DOK5: variants seen among roughly 807,000 people sequenced by gnomAD.
DOK5 encodes the protein downstream of tyrosine kinase 5.
Under a neutral mutation model 43.3 loss-of-function variants are expected in DOK5, and 27 were observed. The observed-to-expected ratio is 0.62, with a 90% confidence interval of 0.46 to 0.86. The LOEUF is 0.86. Ranked by LOEUF, DOK5 falls within the 40% of genes least tolerant of loss-of-function variation. The pLI, the probability that DOK5 is intolerant of heterozygous loss-of-function variation, is 0.00. For missense variants in DOK5, 373 were observed against 392.9 expected, an observed-to-expected ratio of 0.95 and a Z score of 0.43; for synonymous variants, 146 against 140.1, an observed-to-expected ratio of 1.04 and a Z score of -0.30.
At chr20:54,636,732 A>C (rs1348663938) in intron 6 of DOK5, among the ~76,000 whole-genome samples, 1 of 152,236 alleles carries the variant, frequency 6.6e-6, no homozygotes, top group African/African-American at 2.4e-5. Context: ...ACCTCACATC[A>C]ATTAAGCTCT....
intron 1 of DOK5, among the ~76,000 whole-genome samples, chr20:54,494,583 C>G (rs1296791027): frequency 6.6e-6 from 1 of 152,082 alleles, no homozygotes; most frequent in African/African-American, 2.4e-5. Context: ...GTAGCTTGGC[C>G]CATGGTTCTC....
chr20:54,543,541 CTGTG>C (rs74179284), intron 1 of DOK5, among the ~76,000 whole-genome samples: 1,672 of 143,530 alleles, frequency 0.012, 13 homozygotes, highest in Admixed American at 0.029. Context: ...CCTAGAATTG[CTGTG>C]TGTGTGTGTG....
In DOK5 at chr20:54,485,119, C is replaced by T. The variant is rs529038682; in HGVS notation, c.66+9107C>T. The stretch of plus-strand genomic sequence containing the variant: ...GGCCGAGGCGGGCAGATCACAAGGT[C>T]GGGAGTTGGTGACCAGCCTGATCAA... On this transcript the variant is annotated intron_variant, in intron 1 of 7. Coordinates refer to ENST00000262593, the MANE Select transcript of DOK5 (RefSeq NM_018431.5). Among the ~76,000 whole-genome samples, 9 of 152,226 alleles carry T rather than the reference C, an allele frequency of 5.9e-5. No individual in the cohort carries two copies. The South Asian group carries it at 8.3e-4, about 14-fold the overall frequency.
intron 2 of DOK5, 27 bp downstream of exon 2, chr20:54,555,067 A>C (rs1984664792): frequency 6.7e-7 from 1 of 1,486,926 alleles, no homozygotes; most frequent in Admixed American, 1.7e-5. Flanking sequence ...GTAGCTTTCC[A>C]GTAATCTATT....
At chr20:54,532,946 T>C (rs1025513418) in intron 1 of DOK5, among the ~76,000 whole-genome samples, 1 of 152,258 alleles carries the variant, frequency 6.6e-6, no homozygotes, top group Admixed American at 6.5e-5. Flanking sequence ...TATGTCTACC[T>C]GATCCTAAGG....
intron 5 of DOK5, among the ~76,000 whole-genome samples, chr20:54,608,881 G>A (rs1986554249): frequency 6.6e-6 from 1 of 151,972 alleles, no homozygotes; most frequent in African/African-American, 2.4e-5. Context: ...CACCATGTTG[G>A]CCAAGCTGGT....
intron 7 of DOK5, among the ~76,000 whole-genome samples, chr20:54,648,316 C>A (rs1344603837): frequency 6.6e-6 from 1 of 152,098 alleles, no homozygotes; most frequent in Non-Finnish European, 1.5e-5. Flanking sequence ...AGCTTATAAT[C>A]TAATGGAGAG....
At chr20:54,575,886 A>G (rs1055820125) in intron 2 of DOK5, among the ~76,000 whole-genome samples, 1 of 152,260 alleles carries the variant, frequency 6.6e-6, no homozygotes, top group East Asian at 1.9e-4. Context: ...ATCCAAAAAT[A>G]AAAGTAGCGA....
intron 5 of DOK5, among the ~76,000 whole-genome samples, chr20:54,604,204 C>G (rs1021449408): frequency 2.6e-5 from 4 of 152,152 alleles, no homozygotes; most frequent in Admixed American, 2.0e-4. Context: ...CCTCGGCCTC[C>G]CTAAGTACTG....
chr20:54,484,315 G>T (rs1981840119), intron 1 of DOK5, among the ~76,000 whole-genome samples: 1 of 151,660 alleles, frequency 6.6e-6, no homozygotes, highest in Admixed American at 6.6e-5. Context: ...GGAGGTGGAG[G>T]TTGCATTGAG....
chr20:54,529,652 T>C lies in DOK5; in HGVS notation c.67-25281T>C, dbSNP rs550983735. Among the ~76,000 whole-genome samples, 5 of 152,352 alleles carry C rather than the reference T, an allele frequency of 3.3e-5. 1 individual carries two copies. In the East Asian group the frequency reaches 9.6e-4, roughly 29 times the overall value. ...TATTTACACTGTTGTGTAACCATCATCACAATGTAAATTTAGAACGTTTTC... is the reference window on the plus strand; with the variant it reads ...TATTTACACTGTTGTGTAACCATCACCACAATGTAAATTTAGAACGTTTTC... On this transcript the variant is annotated intron_variant, in intron 1 of 7. Coordinates refer to ENST00000262593, the MANE Select transcript of DOK5 (RefSeq NM_018431.5).
chr20:54,542,857 G>C (rs1298018029), intron 1 of DOK5, among the ~76,000 whole-genome samples: 2 of 152,182 alleles, frequency 1.3e-5, no homozygotes, highest in African/African-American at 4.8e-5. Flanking sequence ...AATGTGTTCA[G>C]ATTACTGTTG....
At position 54,495,795 on chromosome 20, in the gene DOK5, T is replaced by C. The variant is rs150683649; in HGVS notation, c.66+19783T>C. Among the ~76,000 whole-genome samples the C allele has an allele frequency of 2.2e-4, 33 of 152,158 alleles. 1 individual carries two copies. Among genetic ancestry groups the C allele is most frequent in the African/African-American group, 7.7e-4 (32 of 41,520 alleles). Reference sequence around the variant, plus strand: ...TACTTGGGAGGCTGAGGTGGAAGAATGGCTTGAACCCGGGAGTCGGAGGTT... The same window carrying C: ...TACTTGGGAGGCTGAGGTGGAAGAACGGCTTGAACCCGGGAGTCGGAGGTT... On this transcript the variant is annotated intron_variant, in intron 1 of 7. Transcript: ENST00000262593.
intron 6 of DOK5, among the ~76,000 whole-genome samples, chr20:54,632,619 T>C (rs972764613): frequency 6.6e-6 from 1 of 152,222 alleles, no homozygotes; most frequent in Non-Finnish European, 1.5e-5. Context: ...AGTGGCAGAT[T>C]CTAGACTTTA....
chr20:54,556,278 T>C (rs1210403579), intron 2 of DOK5, among the ~76,000 whole-genome samples: 1 of 152,214 alleles, frequency 6.6e-6, no homozygotes, highest in African/African-American at 2.4e-5. Context: ...AACCCACTTA[T>C]ACCTTTTTGA....
At chr20:54,646,706 ACCTTCC>A (rs2146835464) in intron 7 of DOK5, among the ~76,000 whole-genome samples, 1 of 152,250 alleles carries the variant, frequency 6.6e-6, no homozygotes, top group East Asian at 1.9e-4. Flanking sequence ...TATACTACCT[ACCTTCC>A]CTCTCCCCTA....
At chr20:54,635,694 T>C (rs1001522183) in intron 6 of DOK5, among the ~76,000 whole-genome samples, 3 of 152,176 alleles carry the variant, frequency 2.0e-5, no homozygotes, top group African/African-American at 7.2e-5. Context: ...CCAACCACCT[T>C]GGGCAGATGT....
At chr20:54,585,773 A>G (rs6023382) in intron 2 of DOK5, among the ~76,000 whole-genome samples, 21,102 of 152,218 alleles carry the variant, frequency 0.14, 2,569 homozygotes, top group African/African-American at 0.33. Context: ...GAAAAAGGTG[A>G]TAATAGTAAT....
chr20:54,558,472 C>A (rs142128048), intron 2 of DOK5, among the ~76,000 whole-genome samples: 1 of 152,032 alleles, frequency 6.6e-6, no homozygotes, highest in African/African-American at 2.4e-5. Flanking sequence ...CTGATTCATC[C>A]TCTACTCTTT....
Sources: gnomAD v4.1 joint callset for allele counts (sites outside exome capture counted in the v4.1 genomes callset) on GRCh38, gnomAD v4.1.1 for gene constraint, MANE v1.5 for transcripts, NCBI Gene and HGNC (gene_info 2026-07-23, HGNC 2026-07-21) for gene names.